Variants in DNAJC3 observed in about 807,000 individuals in gnomAD.
DNAJC3 encodes the protein DnaJ heat shock protein family (Hsp40) member C3.
In DNAJC3, 38 loss-of-function variants were observed where a neutral mutation model predicts 68.6. That is an observed-to-expected ratio of 0.55 (90% CI 0.43 to 0.73). DNAJC3 has a LOEUF of 0.73. DNAJC3 is among the 30% of genes least tolerant of loss of function. DNAJC3 has a pLI of 0.00. For synonymous variants in DNAJC3, 203 were observed against 204.0 expected (o/e 1.00, Z 0.04); for missense variants, 526 against 591.9 (o/e 0.89, Z 1.16).
chr13:95,774,712 TA>T (rs1161653256), intron 9 of DNAJC3, among the ~76,000 whole-genome samples: 7 of 152,234 alleles, frequency 4.6e-5, no homozygotes, highest in Non-Finnish European at 1.0e-4. Context: ...TTTTTACTTT[TA>T]TTCTTACTCA....
At chr13:95,780,648 T>C (rs1255339442) in intron 9 of DNAJC3, among the ~76,000 whole-genome samples, 3 of 148,410 alleles carry the variant, frequency 2.0e-5, no homozygotes, top group Non-Finnish European at 4.4e-5. Flanking sequence ...GTTTCTTTTG[T>C]GTGATATGTT....
chr13:95,779,830 T>C (rs1442201554), intron 9 of DNAJC3, among the ~76,000 whole-genome samples: 2 of 152,212 alleles, frequency 1.3e-5, no homozygotes, highest in Non-Finnish European at 2.9e-5. Context: ...AATAGTATGC[T>C]TTGGCTATGT....
chr13:95,715,938 C>G (rs1371272182), intron 2 of DNAJC3, among the ~76,000 whole-genome samples: 2 of 151,852 alleles, frequency 1.3e-5, no homozygotes, highest in Non-Finnish European at 2.9e-5. Flanking sequence ...GGGCGGATCA[C>G]CTGAGGTCAG....
intron 1 of DNAJC3, among the ~76,000 whole-genome samples, chr13:95,685,665 T>A (rs1042407581): frequency 2.6e-5 from 4 of 152,160 alleles, no homozygotes; most frequent in Admixed American, 2.6e-4. Context: ...AATGTTGGAG[T>A]TGGGGCTTGG....
intron 1 of DNAJC3, among the ~76,000 whole-genome samples, chr13:95,704,851 G>GTTTTTTTGTTTTTTTTTTTTTTTTTTTTT (rs1437981663): frequency 2.0e-5 from 2 of 97,860 alleles, no homozygotes; most frequent in African/African-American, 1.2e-4. Flanking sequence ...GTGTGTGTGT[G>GTTTTTTTGTTTTTTTTTTTTTTTTTTTTT]TTTTTTTTTT....
chr13:95,712,022 T>TAC (rs992638374), intron 2 of DNAJC3, among the ~76,000 whole-genome samples: 1 of 152,196 alleles, frequency 6.6e-6, no homozygotes, highest in Non-Finnish European at 1.5e-5. Flanking sequence ...CACAAACACA[T>TAC]ACACACACCA....
chr13:95,680,245 T>G (rs1192669741), intron 1 of DNAJC3, among the ~76,000 whole-genome samples: 1 of 152,246 alleles, frequency 6.6e-6, no homozygotes, highest in Non-Finnish European at 1.5e-5. Flanking sequence ...GTTTTATCTC[T>G]TTTTCTTCCT....
intron 4 of DNAJC3, among the ~76,000 whole-genome samples, chr13:95,726,035 T>C (rs1267268255): frequency 6.6e-6 from 1 of 152,082 alleles, no homozygotes; most frequent in African/African-American, 2.4e-5. Context: ...TAGTATTCCA[T>C]GGTGTATATG....
chr13:95,793,262 C>CAACT lies in DNAJC3; in HGVS notation c.*2233_*2236dup, dbSNP rs1024491995. On this transcript the variant is annotated 3_prime_UTR_variant, in exon 12 of 12. Transcript: ENST00000602402. The stretch of plus-strand genomic sequence containing the variant: ...TTTCGCTGATTCATGAAGAAAGTAA[C>CAACT]AACTGTTGAGTTTCAGCCTTGATGG... 2.6e-4 allele frequency: 40 copies of CAACT among 152,280 alleles called. No homozygotes were observed. The highest frequency in any genetic ancestry group is 8.9e-4 in the African/African-American group (37 of 41,572). 9.4% of individuals were successfully genotyped at this position (152,280 alleles called of 1,614,324 possible).
rs569161634 is a variant in DNAJC3, at chr13:95,794,412, A to T, written c.*3382A>T. ...GCGTTGCAAAGTTTTCACTGAGCACACAGCAATGGTATCACCTAGAGAAGT... is the reference window on the plus strand; with the variant it reads ...GCGTTGCAAAGTTTTCACTGAGCACTCAGCAATGGTATCACCTAGAGAAGT... On this transcript the variant is annotated 3_prime_UTR_variant, in exon 12 of 12. Transcript: ENST00000602402. The T allele has an allele frequency of 6.6e-6, 1 of 152,366 alleles. No homozygotes were observed. Among genetic ancestry groups the T allele is most frequent in the East Asian group, 1.9e-4 (1 of 5,188 alleles). The allele number at this position is 152,366 out of a possible 1,614,324, so 9.4% of individuals were successfully genotyped here. A position where few individuals can be genotyped will look rare whatever the true frequency, so the allele number is the denominator to read the frequency against.
At chr13:95,740,697 C>T (rs1882110393) in intron 4 of DNAJC3, among the ~76,000 whole-genome samples, 2 of 152,200 alleles carry the variant, frequency 1.3e-5, no homozygotes, top group Non-Finnish European at 2.9e-5. Context: ...ACCCACTGAC[C>T]TGCGCCCACT....
rs1370505050 is a variant in DNAJC3, at chr13:95,792,056, C to A, written c.*1026C>A. 6.6e-6 allele frequency: 1 copy of A among 152,206 alleles called. No homozygotes were observed. Among genetic ancestry groups the A allele is most frequent in the Admixed American group, 6.5e-5 (1 of 15,282 alleles). The allele number at this position is 152,206 out of a possible 1,614,324, so 9.4% of individuals were successfully genotyped here. A position where few individuals can be genotyped will look rare whatever the true frequency, so the allele number is the denominator to read the frequency against. On this transcript the variant is annotated 3_prime_UTR_variant, in exon 12 of 12. Coordinates refer to ENST00000602402, the MANE Select transcript of DNAJC3 (RefSeq NM_006260.5). ...GTGGTGCCTCCCACGTGGGACCTGT[C>A]TGCTGGTATGTGTTAAACAGCAGAC... is the stretch of plus-strand genomic sequence containing the variant.
At chr13:95,764,708 A>ATG (rs1882937190) in intron 9 of DNAJC3, among the ~76,000 whole-genome samples, 3 of 134,288 alleles carry the variant, frequency 2.2e-5, no homozygotes, top group African/African-American at 8.9e-5. Flanking sequence ...ATATATATAC[A>ATG]TATATATATA....
At chr13:95,700,423 G>T (rs1880554038) in intron 1 of DNAJC3, among the ~76,000 whole-genome samples, 1 of 152,112 alleles carries the variant, frequency 6.6e-6, no homozygotes. Context: ...CATTTTTTGG[G>T]AGGGTATGTT....
intron 11 of DNAJC3, among the ~76,000 whole-genome samples, chr13:95,788,840 A>ACC (rs1444114013): frequency 5.3e-5 from 8 of 152,206 alleles, no homozygotes; most frequent in African/African-American, 1.9e-4. Context: ...TATCAAAGAT[A>ACC]TGGGGCCTGA....
chr13:95,687,215 C>A (rs9590313), intron 1 of DNAJC3, among the ~76,000 whole-genome samples: 24 of 151,892 alleles, frequency 1.6e-4, no homozygotes, highest in African/African-American at 5.1e-4. Flanking sequence ...ATTTTTATAC[C>A]ATGGTTTTGT....
At chr13:95,720,143 T>C (rs552410020) in intron 2 of DNAJC3, among the ~76,000 whole-genome samples, 1 of 152,264 alleles carries the variant, frequency 6.6e-6, no homozygotes, top group East Asian at 1.9e-4. Context: ...ATATGTATTA[T>C]AGAATGTTAT....
intron 4 of DNAJC3, among the ~76,000 whole-genome samples, chr13:95,754,846 G>A (rs937192660): frequency 1.3e-5 from 2 of 152,174 alleles, no homozygotes; most frequent in Non-Finnish European, 2.9e-5. Context: ...AAGTAGAGGT[G>A]CAGTCATACA....
Position 95,698,397 on chromosome 13 carries a change from C to T in DNAJC3, c.83-10830C>T, listed in dbSNP as rs186485225. The stretch of plus-strand genomic sequence containing the variant: ...GCTTCTGTTTAGCAGTGGGTCAGGG[C>T]GAGATAGCTGGATAGAGCTGGATCG... On this transcript the variant is annotated intron_variant, in intron 1 of 11. Transcript: ENST00000602402. Among the ~76,000 whole-genome samples, 466 of 152,236 alleles carry T rather than the reference C, an allele frequency of 3.1e-3. 5 individuals are homozygous for T. Among genetic ancestry groups the T allele is most frequent in the African/African-American group, 0.01 (420 of 41,552 alleles).
Sources: allele counts gnomAD v4.1 joint callset (sites outside exome capture counted in the v4.1 genomes callset), GRCh38; gene constraint gnomAD v4.1.1; transcripts MANE v1.5; gene names NCBI Gene and HGNC (gene_info 2026-07-23, HGNC 2026-07-21).